The following PDE3A variants were observed in gnomAD, a reference collection of about 807,000 sequenced individuals.
PDE3A encodes the protein phosphodiesterase 3A.
Under a neutral mutation model 98.3 loss-of-function variants are expected in PDE3A, and 43 were observed. That is an observed-to-expected ratio of 0.44 (90% CI 0.34 to 0.56). The LOEUF (loss-of-function observed/expected upper bound fraction) is 0.56. PDE3A is among the 20% of genes least tolerant of loss of function. The pLI, the probability that PDE3A is intolerant of heterozygous loss-of-function variation, is 0.01. For missense variants in PDE3A, 1,427 were observed against 1,440.7 expected (o/e 0.99, Z 0.15); for synonymous variants, 663 against 567.9 (o/e 1.17, Z -2.38).
At position 20,369,734 on chromosome 12, in the gene PDE3A, C is replaced by T. The variant is rs377025923; in HGVS notation, c.450C>T (p.Leu150=). 6.2e-7 allele frequency: 1 copy of T among 1,612,352 alleles called. No individual in the cohort carries two copies. Among genetic ancestry groups the T allele is most frequent in the African/African-American group, 1.3e-5 (1 of 75,040 alleles). ...CCTTCTTCTGGATGGGCTTGTACCT[C>T]CTGCGCGCCGGGGTGCGCCTGCCTC... is the stretch of plus-strand genomic sequence containing the variant. ...LCAFFWMGLY[L]LRAGVRLPLA... Residue 150 remains leucine (L), a synonymous_variant, in exon 1 of 16, where the codon CTC becomes CTT. Transcript: ENST00000359062.
chr12:20,588,239 G>T (rs1033837460), intron 2 of PDE3A, among the ~76,000 whole-genome samples: 6 of 152,120 alleles, frequency 3.9e-5, no homozygotes, highest in Non-Finnish European at 8.8e-5. Context: ...GTCACATGGG[G>T]TTTCATTCAT....
chr12:20,439,347 C>T (rs1045427063), intron 1 of PDE3A, among the ~76,000 whole-genome samples: 7 of 152,118 alleles, frequency 4.6e-5, no homozygotes, highest in African/African-American at 1.2e-4. Flanking sequence ...TGAATTTTGT[C>T]TGTTTATATC....
chr12:20,514,886 G>T (rs1405019217), intron 1 of PDE3A, among the ~76,000 whole-genome samples: 1 of 152,174 alleles, frequency 6.6e-6, no homozygotes, highest in Non-Finnish European at 1.5e-5. Context: ...ATTTTGTGCT[G>T]CTGTAACAGA....
chr12:20,466,306 A>G (rs1945339287), intron 1 of PDE3A, among the ~76,000 whole-genome samples: 1 of 152,222 alleles, frequency 6.6e-6, no homozygotes, highest in South Asian at 2.1e-4. Flanking sequence ...TATATGAGCA[A>G]ATAATTTTTT....
intron 9 of PDE3A, among the ~76,000 whole-genome samples, chr12:20,638,421 T>A (rs1944569365): frequency 6.6e-6 from 1 of 152,172 alleles, no homozygotes; most frequent in African/African-American, 2.4e-5. Flanking sequence ...ATTCTGTCCA[T>A]CACCATGTTG....
intron 2 of PDE3A, among the ~76,000 whole-genome samples, chr12:20,574,516 C>T (rs1003216914): frequency 7.9e-5 from 12 of 151,946 alleles, no homozygotes; most frequent in African/African-American, 2.7e-4. Flanking sequence ...GGATACAATA[C>T]GTTGGAAGAC....
intron 10 of PDE3A, 57 bp downstream of exon 10, chr12:20,640,014 G>T: frequency 1.2e-6 from 1 of 804,432 alleles, no homozygotes; most frequent in Admixed American, 1.8e-5. Flanking sequence ...TTTGCTGTGG[G>T]TAAATGGGAT....
chr12:20,401,669 C>T (rs1289590609), intron 1 of PDE3A, among the ~76,000 whole-genome samples: 1 of 152,134 alleles, frequency 6.6e-6, no homozygotes, highest in Non-Finnish European at 1.5e-5. Context: ...TTCTGATCAT[C>T]CCCGTTGGAA....
At chr12:20,478,311 T>C (rs947864343) in intron 1 of PDE3A, among the ~76,000 whole-genome samples, 6 of 152,162 alleles carry the variant, frequency 3.9e-5, no homozygotes, top group African/African-American at 1.4e-4. Flanking sequence ...TGATATAGTA[T>C]ATAGTTGTAA....
At chr12:20,536,815 C>T (rs1241386845) in intron 1 of PDE3A, among the ~76,000 whole-genome samples, 1 of 151,854 alleles carries the variant, frequency 6.6e-6, no homozygotes, top group Non-Finnish European at 1.5e-5. Context: ...GTTGTTTTTG[C>T]TTTTTGGCTA....
At chr12:20,565,239 G>A (rs1344631123) in intron 2 of PDE3A, among the ~76,000 whole-genome samples, 1 of 151,934 alleles carries the variant, frequency 6.6e-6, no homozygotes, top group Non-Finnish European at 1.5e-5. Context: ...TTCCACTTGA[G>A]AGAATAACAG....
chr12:20,559,143 A>G (rs1346576526), intron 2 of PDE3A, among the ~76,000 whole-genome samples: 1 of 152,166 alleles, frequency 6.6e-6, no homozygotes, highest in Non-Finnish European at 1.5e-5. Context: ...AAATTATAAT[A>G]CCATGTTTTC....
At chr12:20,431,292 A>G (rs1944693329) in intron 1 of PDE3A, among the ~76,000 whole-genome samples, 1 of 152,174 alleles carries the variant, frequency 6.6e-6, no homozygotes, top group Admixed American at 6.5e-5. Flanking sequence ...AAGTTTCTCC[A>G]GTAGGTTTAT....
chr12:20,570,406 TCAAAAAAAAAAAA>T, intron 2 of PDE3A, among the ~76,000 whole-genome samples: 1 of 9,866 alleles, frequency 1.0e-4, no homozygotes, highest in African/African-American at 5.5e-4. Context: ...CGACGCTGTC[TCAAAAAAAAAAAA>T]AAAAAAAAAA....
chr12:20,663,354 C>T (rs549473060), intron 15 of PDE3A, among the ~76,000 whole-genome samples: 17 of 152,204 alleles, frequency 1.1e-4, no homozygotes, highest in Non-Finnish European at 1.8e-4. Context: ...GGCCATTGTC[C>T]TCCAGACCCC....
At chr12:20,398,814 G>C (rs1431209376) in intron 1 of PDE3A, among the ~76,000 whole-genome samples, 1 of 152,002 alleles carries the variant, frequency 6.6e-6, no homozygotes, top group Non-Finnish European at 1.5e-5. Context: ...TTAAAATGTG[G>C]TAACATATAC....
intron 2 of PDE3A, among the ~76,000 whole-genome samples, chr12:20,586,142 G>A (rs1201157905): frequency 2.6e-5 from 4 of 152,138 alleles, no homozygotes; most frequent in East Asian, 1.9e-4. Context: ...AAGGGAACAT[G>A]TTCCAAAAGC....
rs1945882548 is a variant in PDE3A at position 20,684,125 on chromosome 12, T to TAATCA, written c.*3854_*3855insAATCA. 1 of 152,180 alleles carries TAATCA rather than the reference T, an allele frequency of 6.6e-6. No individual in the cohort carries two copies. The highest frequency in any genetic ancestry group is 2.1e-4 in the South Asian group (1 of 4,828). The allele number at this position is 152,180 out of a possible 1,614,324, so 9.4% of individuals were successfully genotyped here. A position where few individuals can be genotyped will look rare whatever the true frequency, so the allele number is the denominator to read the frequency against. On this transcript the variant is annotated 3_prime_UTR_variant, in exon 16 of 16. Transcript: ENST00000359062. ...TTAATTTATAAAAGTGAACTAATTG[T>TAATCA]GTGATTATCAAATCCTGATTAATGA...
rs781690122 is a variant in PDE3A at position 20,369,522 on chromosome 12, C to T, written c.238C>T (p.Leu80=). Residue 80 remains leucine, a synonymous_variant, in exon 1 of 16, where the codon CTG becomes TTG. Transcript: ENST00000359062. ...LSFLLALLVR[L]VRGEVGCDLE... Reference sequence around the variant, plus strand: ...CTTTCTGCTGGCGCTGCTGGTGAGGCTGGTCCGCGGGGAGGTCGGCTGTGA... The same window carrying T: ...CTTTCTGCTGGCGCTGCTGGTGAGGTTGGTCCGCGGGGAGGTCGGCTGTGA... 11 of 1,560,444 alleles carry T rather than the reference C, an allele frequency of 7.0e-6. No homozygotes were observed. In the East Asian group the frequency reaches 2.4e-4, roughly 34 times the overall value.
Sources: allele counts gnomAD v4.1 joint callset (sites outside exome capture counted in the v4.1 genomes callset), GRCh38; gene constraint gnomAD v4.1.1; transcripts MANE v1.5; gene names NCBI Gene and HGNC (gene_info 2026-07-23, HGNC 2026-07-21).